ATRX: variants seen among roughly 807,000 people sequenced by gnomAD.
ATRX encodes the protein chromatin remodeler ATRX.
A neutral mutation model predicts 172.6 loss-of-function variants in ATRX; 12 were observed. The observed-to-expected ratio is 0.07, with a 90% CI of 0.04 to 0.11. The LOEUF (loss-of-function observed/expected upper bound fraction) is 0.11. Ranked by LOEUF, ATRX falls within the 10% of genes least tolerant of loss-of-function variation. The probability of loss-of-function intolerance (pLI) is 1.00; values close to 1 mark genes in which losing one functional copy is unlikely to be tolerated. For synonymous variants in ATRX, 674 were observed against 594.7 expected (o/e 1.13, Z -1.94); for missense variants, 1,368 against 1,767.4 (o/e 0.77, Z 4.05).
chrX:77,767,336 T>C (rs2076006558), intron 1 of ATRX, among the ~76,000 whole-genome samples: 1 of 110,285 alleles, frequency 9.1e-6, no homozygotes, highest in South Asian at 3.9e-4. Flanking sequence ...ACTAGATTAA[T>C]TAAAATGCTT....
intron 15 of ATRX, among the ~76,000 whole-genome samples, chrX:77,650,275 A>T (rs1297483554): frequency 8.9e-6 from 1 of 112,284 alleles, no homozygotes; most frequent in Non-Finnish European, 1.9e-5. Context: ...AAGGAAGTAC[A>T]TATTACTGCC....
At chrX:77,777,973 TA>T (rs1424594337) in intron 1 of ATRX, among the ~76,000 whole-genome samples, 1 of 108,416 alleles carries the variant, frequency 9.2e-6, no homozygotes, top group Non-Finnish European at 1.9e-5. Flanking sequence ...CCGTCTCTAC[TA>T]AAAATACAAA....
At chrX:77,600,703 TTTGAAACACA>T in intron 22 of ATRX, 139 bp from the exon 23 acceptor site, 2 of 599,974 alleles carry the variant, frequency 3.3e-6, no homozygotes, top group East Asian at 3.5e-5. Context: ...GGAATATCGT[TTTGAAACACA>T]TAAAACAAAT....
intron 7 of ATRX, among the ~76,000 whole-genome samples, chrX:77,688,113 A>G (rs1557145070): frequency 9.1e-6 from 1 of 110,006 alleles, no homozygotes; most frequent in African/African-American, 3.3e-5. Flanking sequence ...AATTTTTTGT[A>G]TTTTTAGTAG....
intron 9 of ATRX, 100 bp downstream of exon 9, chrX:77,681,420 T>C (rs1254016961): frequency 9.4e-6 from 8 of 854,373 alleles, no homozygotes; most frequent in South Asian, 8.7e-5. Context: ...TTCTCCTAAG[T>C]AGTAACCCTA....
At chrX:77,571,364 C>T (rs2065405410) in intron 28 of ATRX, among the ~76,000 whole-genome samples, 1 of 111,912 alleles carries the variant, frequency 8.9e-6, no homozygotes, top group African/African-American at 3.2e-5. Flanking sequence ...TAGAATACTA[C>T]TCTGTAATAA....
rs782185096 is a variant in ATRX, at chrX:77,542,894, G to T, written c.6699+14557C>A. Among the ~76,000 whole-genome samples, 11 of 111,158 alleles carry T rather than the reference G, an allele frequency of 9.9e-5. No individual in the cohort carries two copies. The South Asian group carries it at 1.1e-3, about 11-fold the overall frequency. ...AAGAAAACCTAGGCAATACCATTCA[G>T]GACATGGGCAAAGACTTCATGTCTA... is the stretch of plus-strand genomic sequence containing the variant. On this transcript the variant is annotated intron_variant, in intron 30 of 34. Transcript: ENST00000373344.
chrX:77,654,347 G>T, intron 13 of ATRX, 147 bp from the exon 14 acceptor site: 1 of 467,570 alleles, frequency 2.1e-6, no homozygotes. Context: ...GGATATTCCA[G>T]CAGCAGCCTA....
intron 30 of ATRX, among the ~76,000 whole-genome samples, chrX:77,553,162 C>A (rs2064628193): frequency 9.0e-6 from 1 of 111,604 alleles, no homozygotes; most frequent in Non-Finnish European, 1.9e-5. Flanking sequence ...AAAACGTACC[C>A]ATTTCAGATG....
chrX:77,652,483 C>A, intron 14 of ATRX, 130 bp from the exon 15 acceptor site: 514 of 377,070 alleles, frequency 1.4e-3, no homozygotes, highest in Non-Finnish European at 1.9e-3. Flanking sequence ...TTATATTCAG[C>A]AATAGAGTAG....
chrX:77,566,575 C>T (rs2065205989), intron 28 of ATRX, among the ~76,000 whole-genome samples: 1 of 111,387 alleles, frequency 9.0e-6, no homozygotes, highest in African/African-American at 3.3e-5. Flanking sequence ...CAATATGGTA[C>T]AACCCCATCT....
intron 26 of ATRX, among the ~76,000 whole-genome samples, chrX:77,593,116 G>T (rs1007926159): frequency 1.3e-4 from 14 of 108,073 alleles, no homozygotes; most frequent in African/African-American, 4.4e-4. Flanking sequence ...CCCAGCTACT[G>T]GAGAGGCTGA....
At chrX:77,716,342 A>C (rs1317088877) in intron 2 of ATRX, among the ~76,000 whole-genome samples, 1 of 91,265 alleles carries the variant, frequency 1.1e-5, no homozygotes, top group African/African-American at 4.0e-5. Flanking sequence ...ATATATATAT[A>C]TATATATCTT....
chrX:77,765,702 A>AT (rs1304452061), intron 1 of ATRX, among the ~76,000 whole-genome samples: 1 of 107,895 alleles, frequency 9.3e-6, no homozygotes, highest in Non-Finnish European at 1.9e-5. Flanking sequence ...TTTTATTTTT[A>AT]TTTTTTTTAT....
rs782164721 is a variant in ATRX at position 77,683,743 on chromosome X, C to T, written c.1513G>A (p.Glu505Lys). The change falls in exon 9 of 35, where the codon GAA becomes AAA. Residue 505 changes from glutamate to lysine, a missense_variant. Coordinates refer to ENST00000373344, the MANE Select transcript of ATRX (RefSeq NM_000489.6). ...AAATCTTCAGAAGTGTTGGCAGGTT[C>T]ATATTGAGGTTCTTCTTTTCTATCA... The part of the protein sequence containing the change: ...KSDRKEEPQY[E>K]PANTSEDLDM... The T allele has an allele frequency of 8.3e-7, 1 of 1,210,746 alleles. No individual in the cohort carries two copies. The highest frequency in any genetic ancestry group is 3.0e-5 in the East Asian group (1 of 33,807).
chrX:77,676,856 G>T (rs1004767005), intron 9 of ATRX, among the ~76,000 whole-genome samples: 3 of 111,990 alleles, frequency 2.7e-5, no homozygotes, highest in Non-Finnish European at 1.9e-5. Context: ...GTGAGGTGGC[G>T]CACGCCTGTA....
intron 1 of ATRX, among the ~76,000 whole-genome samples, chrX:77,747,774 T>C (rs898839509): frequency 9.0e-6 from 1 of 111,435 alleles, no homozygotes; most frequent in Non-Finnish European, 1.9e-5. Context: ...CCTAATGTTT[T>C]CTAAATTTCT....
intron 22 of ATRX, among the ~76,000 whole-genome samples, chrX:77,608,100 G>A (rs1256938071): frequency 4.6e-5 from 5 of 108,863 alleles, no homozygotes; most frequent in South Asian, 4.0e-4. Flanking sequence ...CACATAGGCC[G>A]GCCGGGCACA....
intron 2 of ATRX, among the ~76,000 whole-genome samples, chrX:77,712,689 C>T (rs1344941775): frequency 9.0e-6 from 1 of 110,739 alleles, no homozygotes; most frequent in Admixed American, 9.7e-5. Flanking sequence ...ATTAGCTGGG[C>T]ACGGTGGTGT....
Sources: allele counts gnomAD v4.1 joint callset (sites outside exome capture counted in the v4.1 genomes callset), GRCh38; gene constraint gnomAD v4.1.1; transcripts MANE v1.5; gene names NCBI Gene and HGNC (gene_info 2026-07-23, HGNC 2026-07-21).